The following SCN2A variants were observed in gnomAD, a reference collection of about 807,000 sequenced individuals.
The protein encoded by SCN2A is sodium channel protein type 2 subunit alpha.
Under a neutral mutation model 188.7 loss-of-function variants are expected in SCN2A, and 20 were observed. The observed-to-expected ratio is 0.11, with a 90% CI of 0.07 to 0.15. SCN2A has a LOEUF of 0.15. SCN2A is among the 10% of genes least tolerant of loss of function. The pLI, the probability that SCN2A is intolerant of heterozygous loss-of-function variation, is 1.00. For missense variants in SCN2A, 1,278 were observed against 2,445.0 expected, an observed-to-expected ratio of 0.52 and a Z score of 10.07; for synonymous variants, 804 against 833.1, an observed-to-expected ratio of 0.97 and a Z score of 0.60.
intron 1 of SCN2A, chr2:165,294,038 A>AAAG (rs1696360278): frequency 1.3e-6 from 1 of 799,078 alleles, no homozygotes; most frequent in African/African-American, 2.1e-5. Context: ...AAAAAAAAAA[A>AAAG]GATTTTTTTT....
chr2:165,240,362 G>A (rs994362359), intron 1 of SCN2A, among the ~76,000 whole-genome samples: 1 of 152,014 alleles, frequency 6.6e-6, no homozygotes, highest in African/African-American at 2.4e-5. Flanking sequence ...ATTATAGAAG[G>A]TGCTCACATT....
intron 26 of SCN2A, 80 bp downstream of exon 26, chr2:165,387,096 TA>T: frequency 7.2e-7 from 1 of 1,392,532 alleles, no homozygotes. Context: ...TGTTTTTCAC[TA>T]ATCTTTCTCA....
At chr2:165,245,992 G>C (rs560797455) in intron 1 of SCN2A, among the ~76,000 whole-genome samples, 1 of 152,222 alleles carries the variant, frequency 6.6e-6, no homozygotes, top group South Asian at 2.1e-4. Flanking sequence ...TATATCACCA[G>C]GAATGATGTC....
chr2:165,267,545 A>G (rs912641092), intron 1 of SCN2A: 38 of 152,012 alleles, frequency 2.5e-4, no homozygotes, highest in African/African-American at 8.7e-4. Context: ...AAGTACTAGA[A>G]GAAAATATAG....
chr2:165,311,985 G>T (rs753672474), intron 7 of SCN2A, 40 bp from the exon 8 acceptor site: 5 of 1,494,680 alleles, frequency 3.3e-6, no homozygotes, highest in Non-Finnish European at 4.7e-6. Flanking sequence ...GTGTTTTACA[G>T]GATTTTAATG....
intron 17 of SCN2A, among the ~76,000 whole-genome samples, chr2:165,360,241 C>T (rs866031667): frequency 5.9e-5 from 9 of 151,810 alleles, no homozygotes; most frequent in Admixed American, 2.6e-4. Context: ...GTTTTCTCTT[C>T]CATTTTCTGT....
Position 165,373,134 on chromosome 2 carries a change from G to A in SCN2A, c.3850-91G>A, listed in dbSNP as rs1013982524. On this transcript the variant is annotated intron_variant, in intron 20 of 26. Transcript: ENST00000375437. The stretch of plus-strand genomic sequence containing the variant: ...GTGATTTTGAAACTCATGAAAGTTC[G>A]AGAATTACTGATTCATTGCATAGAG... 1.2e-4 allele frequency: 171 copies of A among 1,395,208 alleles called. No homozygotes were observed. The Middle Eastern group carries it at 1.8e-3, about 15-fold the overall frequency. 86.4% of individuals were successfully genotyped at this position (1,395,208 alleles called of 1,614,324 possible).
Position 165,370,468 on chromosome 2 carries a change from A to G in SCN2A, c.3849+169A>G, listed in dbSNP as rs2304012. 0.4 allele frequency: 272,116 copies of G among 675,250 alleles called. 55,605 individuals are homozygous for G. Among genetic ancestry groups the G allele is most frequent in the East Asian group, 0.51 (18,674 of 36,878 alleles). The allele number at this position is 675,250 out of a possible 1,614,324, so 41.8% of individuals were successfully genotyped here. ...CTCAAAACATTTTTTACCAATTTAA[A>G]TACATATACATTCATAGATAAAAAT... On this transcript the variant is annotated intron_variant, in intron 20 of 26. Transcript: ENST00000375437.
chr2:165,263,502 AT>A (rs1326779004), intron 1 of SCN2A, among the ~76,000 whole-genome samples: 1 of 151,818 alleles, frequency 6.6e-6, no homozygotes, highest in Admixed American at 6.6e-5. Flanking sequence ...TCCCTACTTT[AT>A]TTTTTTGTTT....
rs1233104596 is a variant in SCN2A, at chr2:165,315,653, A to G, written c.1566A>G (p.Arg522=). 1 of 1,614,134 alleles carries G rather than the reference A, an allele frequency of 6.2e-7. No homozygotes were observed. The highest frequency in any genetic ancestry group is 2.2e-5 in the East Asian group (1 of 44,876). ...CTGGAGAAGAAGAGAAAAATGACAG[A>G]GTCCGAAAATCGGAATCTGAAGACA... is the stretch of plus-strand genomic sequence containing the variant. ...EQSGEEEKND[R]VRKSESEDSI... is the part of the protein sequence containing the mutation. The change falls in exon 11 of 27, where the codon AGA becomes AGG. Residue 522 remains arginine, a synonymous_variant. Coordinates refer to ENST00000375437, the MANE Select transcript of SCN2A (RefSeq NM_001040142.2).
At chr2:165,257,696 G>A (rs1433131773) in intron 1 of SCN2A, among the ~76,000 whole-genome samples, 1 of 151,954 alleles carries the variant, frequency 6.6e-6, no homozygotes. Flanking sequence ...CCCTCACCAG[G>A]CCCAGCTAAT....
chr2:165,319,397 A>G (rs1263998795), intron 11 of SCN2A, among the ~76,000 whole-genome samples: 2 of 152,246 alleles, frequency 1.3e-5, no homozygotes, highest in South Asian at 4.1e-4. Context: ...ATAGAATCAC[A>G]TAAGATAGTG....
At chr2:165,380,103 G>T (rs565908077) in intron 23 of SCN2A, among the ~76,000 whole-genome samples, 1 of 151,834 alleles carries the variant, frequency 6.6e-6, no homozygotes, top group African/African-American at 2.4e-5. Flanking sequence ...ACTACTGGCC[G>T]CCACTGTTCT....
chr2:165,311,301 G>A (rs1006863631), intron 7 of SCN2A, among the ~76,000 whole-genome samples: 23 of 151,898 alleles, frequency 1.5e-4, no homozygotes, highest in African/African-American at 4.1e-4. Context: ...ATAAAAATAC[G>A]TATGTTTGCA....
chr2:165,373,413 G>A (rs1349740850), intron 21 of SCN2A, 66 bp downstream of exon 21: 39 of 1,552,610 alleles, frequency 2.5e-5, no homozygotes, highest in South Asian at 1.1e-4. Flanking sequence ...TTTGTACCAT[G>A]GAAATGTCAA....
At chr2:165,376,431 T>A (rs1701317702) in intron 22 of SCN2A, among the ~76,000 whole-genome samples, 2 of 152,042 alleles carry the variant, frequency 1.3e-5, no homozygotes, top group Admixed American at 1.3e-4. Context: ...TATAATACTA[T>A]ACAACAATAA....
intron 1 of SCN2A, among the ~76,000 whole-genome samples, chr2:165,275,618 GT>G (rs1407841496): frequency 2.0e-5 from 3 of 152,080 alleles, no homozygotes. Context: ...TAGGTTTATT[GT>G]TTTTGATTTG....
chr2:165,252,636 AT>A (rs1435537205), intron 1 of SCN2A, among the ~76,000 whole-genome samples: 38 of 152,186 alleles, frequency 2.5e-4, no homozygotes, highest in Admixed American at 5.9e-4. Flanking sequence ...TCAGATTTTT[AT>A]TTTTATTCAC....
At chr2:165,254,844 A>G (rs1243454455) in intron 1 of SCN2A, among the ~76,000 whole-genome samples, 1 of 151,782 alleles carries the variant, frequency 6.6e-6, no homozygotes. Context: ...TTTTATGACC[A>G]GTATATATTT....
Sources: allele counts gnomAD v4.1 joint callset (sites outside exome capture counted in the v4.1 genomes callset), GRCh38; gene constraint gnomAD v4.1.1; transcripts MANE v1.5; gene names NCBI Gene and HGNC (gene_info 2026-07-23, HGNC 2026-07-21).